The following ITPR2 variants were observed in gnomAD, a reference collection of about 807,000 sequenced individuals.
ITPR2 encodes the protein inositol 1,4,5-trisphosphate-gated calcium channel ITPR2.
Under a neutral mutation model 317.1 loss-of-function variants are expected in ITPR2, and 207 were observed. That is an observed-to-expected ratio of 0.65 (90% CI 0.58 to 0.73). The LOEUF (loss-of-function observed/expected upper bound fraction) is 0.73. ITPR2 is among the 30% of genes least tolerant of loss of function. The pLI is 0.00. For missense variants in ITPR2, 2,613 were observed against 3,284.0 expected (o/e 0.80, Z 4.99); for synonymous variants, 1,156 against 1,149.1 (o/e 1.01, Z -0.12).
At chr12:26,381,468 T>A (rs528761414) in intron 55 of ITPR2, among the ~76,000 whole-genome samples, 2 of 152,358 alleles carry the variant, frequency 1.3e-5, no homozygotes, top group Admixed American at 6.5e-5. Context: ...GGTGCCAGCA[T>A]ACAGAGACAT....
rs567773149 is a variant in ITPR2 at position 26,715,484 on chromosome 12, T to C, written c.709-39A>G. On this transcript the variant is annotated intron_variant, in intron 7 of 56. Transcript: ENST00000381340. ...CAAGAGACATCTGAACAAACAGATG[T>C]GAGAAGCAGGTGTCTCTTTCTGGTT... is the stretch of plus-strand genomic sequence containing the variant. 8 of 1,580,966 alleles carry C rather than the reference T, an allele frequency of 5.1e-6. No homozygotes were observed. The African/African-American group carries it at 1.1e-4, about 21-fold the overall frequency.
intron 37 of ITPR2, among the ~76,000 whole-genome samples, chr12:26,540,005 T>A (rs1202705492): frequency 6.6e-6 from 1 of 152,220 alleles, no homozygotes; most frequent in Non-Finnish European, 1.5e-5. Context: ...ATTCTAGACA[T>A]AGAAATACTT....
intron 4 of ITPR2, among the ~76,000 whole-genome samples, chr12:26,723,926 C>T (rs1948879110): frequency 2.0e-5 from 3 of 152,130 alleles, no homozygotes; most frequent in Admixed American, 2.0e-4. Flanking sequence ...ACTATGCTTC[C>T]CTATGGCTAA....
At chr12:26,559,054 T>C (rs1944742344) in intron 35 of ITPR2, among the ~76,000 whole-genome samples, 2 of 152,208 alleles carry the variant, frequency 1.3e-5, no homozygotes, top group Non-Finnish European at 2.9e-5. Context: ...ACATACAAAA[T>C]TAATACACTT....
At chr12:26,565,484 TGATAGATAGATAGATAGATA>T (rs75320702) in intron 34 of ITPR2, among the ~76,000 whole-genome samples, 159 of 138,852 alleles carry the variant, frequency 1.1e-3, no homozygotes, top group African/African-American at 3.1e-3. Context: ...GATAGACAGA[TGATAGATAGATAGATAGATA>T]GATAGATAGA....
At chr12:26,539,675 C>A (rs1394575605) in intron 37 of ITPR2, among the ~76,000 whole-genome samples, 2 of 152,194 alleles carry the variant, frequency 1.3e-5, no homozygotes, top group African/African-American at 4.8e-5. Flanking sequence ...TTCTAAGCCA[C>A]ACAGTGAGCA....
intron 55 of ITPR2, among the ~76,000 whole-genome samples, chr12:26,369,690 A>G (rs77835879): frequency 0.065 from 9,898 of 152,244 alleles, 457 homozygotes; most frequent in Non-Finnish European, 0.099. Context: ...AGTTTCCCAA[A>G]TGACAGAAGT....
intron 29 of ITPR2, 149 bp from the exon 30 acceptor site, chr12:26,599,494 T>G (rs1945939419): frequency 2.9e-6 from 2 of 691,830 alleles, no homozygotes; most frequent in Non-Finnish European, 2.4e-6. Context: ...AAAAATGCGA[T>G]GAGATCATTA....
intron 37 of ITPR2, among the ~76,000 whole-genome samples, chr12:26,535,587 A>T (rs1944067558): frequency 6.6e-6 from 1 of 152,238 alleles, no homozygotes; most frequent in African/African-American, 2.4e-5. Flanking sequence ...CCTTGGGACT[A>T]AATCAGTCAA....
chr12:26,399,141 A>G, intron 53 of ITPR2, 100 bp from the exon 54 acceptor site: 1 of 875,246 alleles, frequency 1.1e-6, no homozygotes, highest in South Asian at 2.8e-5. Flanking sequence ...AAATGAATAT[A>G]AATAGTATCC....
chr12:26,507,698 AG>A (rs1355535713), intron 37 of ITPR2, among the ~76,000 whole-genome samples: 1 of 152,230 alleles, frequency 6.6e-6, no homozygotes, highest in East Asian at 1.9e-4. Context: ...GAAAGCTTAA[AG>A]TATTTAATAA....
intron 32 of ITPR2, among the ~76,000 whole-genome samples, chr12:26,594,853 A>G (rs376869419): frequency 6.6e-6 from 1 of 152,198 alleles, no homozygotes; most frequent in African/African-American, 2.4e-5. Context: ...GAGCAAAAAC[A>G]TATGTCAGGC....
chr12:26,771,822 G>C (rs1949848517), intron 2 of ITPR2, among the ~76,000 whole-genome samples: 1 of 151,958 alleles, frequency 6.6e-6, no homozygotes, highest in East Asian at 1.9e-4. Context: ...CTGTTTGTTT[G>C]TTTTTTGGGC....
rs544845729 is a variant in ITPR2, at chr12:26,524,131, C to T, written c.5073+26116G>A. On this transcript the variant is annotated intron_variant, in intron 37 of 56. Transcript: ENST00000381340. ...GAAGGCATATGTAACACACATGCTT[C>T]TAACCAAGCAACAGAGAAAGCAAAT... 2.5e-3 allele frequency among the ~76,000 whole-genome samples: 388 copies of T among 152,320 alleles called. 1 individual carries two copies. The highest frequency in any genetic ancestry group is 4.6e-3 in the Non-Finnish European group (311 of 68,038).
intron 39 of ITPR2, among the ~76,000 whole-genome samples, chr12:26,492,891 C>G (rs1020558591): frequency 8.1e-6 from 1 of 123,972 alleles, no homozygotes; most frequent in Non-Finnish European, 1.7e-5. Context: ...GATCATTGCA[C>G]GATATGTGTG....
At chr12:26,533,216 G>A (rs1393994347) in intron 37 of ITPR2, among the ~76,000 whole-genome samples, 1 of 152,034 alleles carries the variant, frequency 6.6e-6, no homozygotes, top group Non-Finnish European at 1.5e-5. Context: ...TTGACTTTCT[G>A]CTAAAAAACC....
Position 26,654,038 on chromosome 12 carries a change from A to G in ITPR2, c.2678T>C (p.Leu893Ser), listed in dbSNP as rs1382306352. 3.7e-6 allele frequency: 6 copies of G among 1,604,218 alleles called. No individual in the cohort carries two copies. In the South Asian group the frequency reaches 6.7e-5, roughly 18 times the overall value. Residue 893 changes from leucine (L) to serine (S), a missense_variant, in exon 21 of 57, where the codon TTA becomes TCA. Around this residue, in one of 9 missense-constraint regions of ITPR2, gnomAD observed 817 missense variants for 897.6 expected, o/e 0.91. Coordinates refer to ENST00000381340, the MANE Select transcript of ITPR2 (RefSeq NM_002223.4). Reference protein sequence around the residue: ...LRLTRTLLAILDIVQAPMSSY... With the variant: ...LRLTRTLLAISDIVQAPMSSY... ...TGACATGGGGGCCTGTACAATGTCT[A>G]AAATAGCCAGAAGTGTTCTTGTTAG... is the stretch of plus-strand genomic sequence containing the variant.
At chr12:26,768,571 T>TTAAA (rs1226607102) in intron 2 of ITPR2, among the ~76,000 whole-genome samples, 1 of 96,188 alleles carries the variant, frequency 1.0e-5, no homozygotes, top group African/African-American at 6.0e-5. Flanking sequence ...CAAATATATA[T>TTAAA]AAAAAAAAAA....
chr12:26,527,329 G>A (rs955338357), intron 37 of ITPR2, among the ~76,000 whole-genome samples: 1 of 152,166 alleles, frequency 6.6e-6, no homozygotes, highest in African/African-American at 2.4e-5. Context: ...TTTGTAGGAA[G>A]AATGCCTTTG....
Sources: gnomAD v4.1 joint callset for allele counts (sites outside exome capture counted in the v4.1 genomes callset) on GRCh38, gnomAD v4.1.1 for gene constraint, gnomAD v4.1.1 regional missense constraint, MANE v1.5 for transcripts, NCBI Gene and HGNC (gene_info 2026-07-23, HGNC 2026-07-21) for gene names.